GRIP1: variants seen among roughly 807,000 people sequenced by gnomAD.
GRIP1 encodes glutamate receptor-interacting protein 1.
A neutral mutation model predicts 129.9 loss-of-function variants in GRIP1; 45 were observed. The observed-to-expected ratio is 0.35, with a 90% CI of 0.27 to 0.44. The LOEUF is 0.44. Among genes scored for constraint, GRIP1 ranks in the 20% least tolerant of loss-of-function variants. The pLI is 1.00. For missense variants in GRIP1, 1,196 were observed against 1,396.8 expected, an observed-to-expected ratio of 0.86 and a Z score of 2.29; for synonymous variants, 530 against 520.8, an observed-to-expected ratio of 1.02 and a Z score of -0.24.
chr12:66,977,649 G>C (rs1380172313), intron 1 of GRIP1, among the ~76,000 whole-genome samples: 1 of 151,786 alleles, frequency 6.6e-6, no homozygotes, highest in Non-Finnish European at 1.5e-5. Context: ...TATATAAATG[G>C]GAATCAAACA....
intron 1 of GRIP1, among the ~76,000 whole-genome samples, chr12:66,921,859 C>CATCTTTAACTTCTTCTA (rs1343672983): frequency 6.6e-6 from 1 of 152,118 alleles, no homozygotes; most frequent in Non-Finnish European, 1.5e-5. Flanking sequence ...GAATTCAGGC[C>CATCTTTAACTTCTTCTA]ATCTTTAACT....
chr12:66,936,368 G>C, intron 1 of GRIP1, among the ~76,000 whole-genome samples: 1 of 148,338 alleles, frequency 6.7e-6, no homozygotes, highest in East Asian at 2.0e-4. Flanking sequence ...AGAGGCTGCA[G>C]TGAGCCATGA....
intron 1 of GRIP1, among the ~76,000 whole-genome samples, chr12:66,660,205 A>G (rs954267735): frequency 3.3e-5 from 5 of 152,208 alleles, no homozygotes; most frequent in African/African-American, 1.2e-4. Flanking sequence ...TTCAAACCTT[A>G]GTTTGGCTAT....
At position 66,465,408 on chromosome 12, in the gene GRIP1, C is replaced by T; in HGVS notation, c.739G>A (p.Ala247Thr). 6.2e-7 allele frequency: 1 copy of T among 1,613,788 alleles called. No individual in the cohort carries two copies. The highest frequency in any genetic ancestry group is 1.1e-5 in the South Asian group (1 of 91,086). ...DVSVMDSVAT[A>T]SGPLLVEVAK... ...ACTTCGACTAGTAGTGGCCCGGATG[C>T]TGTTGCCACAGAGTCTGTCAAAGAA... Residue 247 changes from alanine to threonine, a missense_variant, in exon 8 of 25, where the codon GCA (alanine) becomes ACA (threonine). Physicochemically the swap from Ala to Thr is moderately conservative, Grantham distance 58. Transcript: ENST00000359742.
At chr12:66,477,980 T>G (rs1354076551) in intron 7 of GRIP1, among the ~76,000 whole-genome samples, 1 of 152,346 alleles carries the variant, frequency 6.6e-6, no homozygotes, top group East Asian at 1.9e-4. Flanking sequence ...AAGGACTTCA[T>G]GTCTAAAACA....
intron 1 of GRIP1, among the ~76,000 whole-genome samples, chr12:66,893,027 C>T (rs531245076): frequency 1.3e-5 from 2 of 152,184 alleles, no homozygotes; most frequent in African/African-American, 4.8e-5. Context: ...TGTTCCATCA[C>T]CACAAAGAAA....
intron 1 of GRIP1, among the ~76,000 whole-genome samples, chr12:67,030,998 T>A (rs1335953272): frequency 6.6e-6 from 1 of 152,142 alleles, no homozygotes; most frequent in East Asian, 1.9e-4. Flanking sequence ...TTTGTACATA[T>A]ATAACCGCTC....
chr12:66,450,525 AT>A, intron 11 of GRIP1, among the ~76,000 whole-genome samples: 1 of 149,700 alleles, frequency 6.7e-6, no homozygotes, highest in Non-Finnish European at 1.5e-5. Context: ...TATAAGCTCT[AT>A]TTGGAGGCAA....
At chr12:66,571,471 C>T (rs1157000664) in intron 2 of GRIP1, among the ~76,000 whole-genome samples, 1 of 152,044 alleles carries the variant, frequency 6.6e-6, no homozygotes, top group Non-Finnish European at 1.5e-5. Flanking sequence ...AAATGTATTA[C>T]TACTGCCTTT....
At chr12:66,497,832 C>A (rs573685855) in intron 7 of GRIP1, among the ~76,000 whole-genome samples, 1 of 152,078 alleles carries the variant, frequency 6.6e-6, no homozygotes, top group Non-Finnish European at 1.5e-5. Context: ...TGCACGTATA[C>A]GCCCAGATGG....
chr12:66,681,905 G>A (rs1172255912), upstream of GRIP1, among the ~76,000 whole-genome samples: 5 of 152,068 alleles, frequency 3.3e-5, no homozygotes, highest in South Asian at 6.3e-4. Context: ...AGTGTACCAC[G>A]TTTACATAGA....
intron 1 of GRIP1, among the ~76,000 whole-genome samples, chr12:66,746,978 C>G (rs2036967766): frequency 6.6e-6 from 1 of 152,036 alleles, no homozygotes; most frequent in Admixed American, 6.6e-5. Context: ...TAAATTAAGC[C>G]ACATTCATCT....
chr12:67,022,956 T>G (rs1037989973), intron 1 of GRIP1, among the ~76,000 whole-genome samples: 1 of 152,218 alleles, frequency 6.6e-6, no homozygotes, highest in African/African-American at 2.4e-5. Flanking sequence ...CCCATATATA[T>G]TCTTTGCTTA....
chr12:66,999,086 T>G (rs2042512433), intron 1 of GRIP1, among the ~76,000 whole-genome samples: 1 of 152,086 alleles, frequency 6.6e-6, no homozygotes, highest in Non-Finnish European at 1.5e-5. Context: ...GACATTTTCT[T>G]CATAACAATG....
At position 66,539,210 on chromosome 12, in the gene GRIP1, C is replaced by G. The variant is rs752025367; in HGVS notation, c.286G>C (p.Asp96His). Residue 96 changes from aspartate to histidine, a missense_variant, in exon 4 of 25, where the codon GAT (aspartate) becomes CAT (histidine). Physicochemically the swap from Asp to His is moderately conservative, Grantham distance 81. Around this residue, in one of 5 missense-constraint regions of GRIP1, gnomAD observed 217 missense variants for 224.8 expected, o/e 0.97. Coordinates refer to ENST00000359742, the MANE Select transcript of GRIP1 (RefSeq NM_001366722.1). ...ACTGCTTTGATGTAGTCACCCACAT[C>G]CAGCTGGTCACTTCTGCAAAATAGA... ...GGIAARSDQL[D>H]VGDYIKAVNG... The G allele has an allele frequency of 6.2e-7, 1 of 1,614,058 alleles. No individual in the cohort carries two copies.
intron 1 of GRIP1, among the ~76,000 whole-genome samples, chr12:66,799,391 T>G (rs1227843534): frequency 6.6e-6 from 1 of 152,190 alleles, no homozygotes; most frequent in African/African-American, 2.4e-5. Context: ...CGGGATTTTT[T>G]GAGTTAAACT....
intron 1 of GRIP1, among the ~76,000 whole-genome samples, chr12:66,705,461 G>A (rs189886109): frequency 1.1e-4 from 16 of 152,178 alleles, no homozygotes; most frequent in African/African-American, 2.6e-4. Context: ...AATCAATATC[G>A]TGAAAATGGC....
intron 2 of GRIP1, among the ~76,000 whole-genome samples, chr12:66,552,199 G>A (rs2062164717): frequency 6.6e-6 from 1 of 152,158 alleles, no homozygotes; most frequent in Non-Finnish European, 1.5e-5. Flanking sequence ...GCCTGAAAGG[G>A]AAATGGAGAA....
At chr12:66,721,449 A>AT (rs1233850668) in intron 1 of GRIP1, among the ~76,000 whole-genome samples, 13 of 151,890 alleles carry the variant, frequency 8.6e-5, no homozygotes, top group African/African-American at 3.1e-4. Flanking sequence ...TAATTTTTGT[A>AT]TTTTTAGTAG....
Sources: allele counts gnomAD v4.1 joint callset (sites outside exome capture counted in the v4.1 genomes callset), GRCh38; gene constraint gnomAD v4.1.1; regional missense constraint gnomAD v4.1.1; transcripts MANE v1.5; gene names NCBI Gene and HGNC (gene_info 2026-07-23, HGNC 2026-07-21).